The following C3orf70 variants were observed in gnomAD, a reference collection of about 807,000 sequenced individuals.
C3orf70 encodes the protein UPF0524 protein C3orf70.
Under a neutral mutation model 20.7 loss-of-function variants are expected in C3orf70, and 15 were observed. The observed-to-expected ratio is 0.72, with a 90% CI of 0.48 to 1.11. The LOEUF is 1.11. Ranked by LOEUF, C3orf70 falls within the 50% of genes most tolerant of loss-of-function variation. C3orf70 has a pLI of 0.00. For synonymous variants in C3orf70, 161 were observed against 125.7 expected (o/e 1.28, Z -1.88); for missense variants, 332 against 317.6 (o/e 1.05, Z -0.34).
In C3orf70 at chr3:185,152,875, C is replaced by A. The variant is rs1055904814; in HGVS notation, c.-52G>T. The A allele has an allele frequency of 1.4e-6, 2 of 1,432,978 alleles. No individual in the cohort carries two copies. Among genetic ancestry groups the A allele is most frequent in the Non-Finnish European group, 1.8e-6 (2 of 1,086,684 alleles). The allele number at this position is 1,432,978 out of a possible 1,614,324, so 88.8% of individuals were successfully genotyped here. On this transcript the variant is annotated 5_prime_UTR_variant, in exon 1 of 2. Coordinates refer to ENST00000335012, the MANE Select transcript of C3orf70 (RefSeq NM_001025266.3). ...ACCGGGAGCCCGGGAGAAGCGACGT[C>A]TGGGTGGGCAGGAAGCCGAGCCGGC...
rs1553918680 is a variant in C3orf70 at position 185,077,796 on chromosome 3, G to GT, written c.*5210_*5211insA. Among the ~76,000 whole-genome samples, 3 of 150,676 alleles carry GT rather than the reference G, an allele frequency of 2.0e-5. No homozygotes were observed. The highest frequency in any genetic ancestry group is 4.9e-5 in the African/African-American group (2 of 40,934). On this transcript the variant is annotated 3_prime_UTR_variant, in exon 2 of 2. Coordinates refer to ENST00000335012, the MANE Select transcript of C3orf70 (RefSeq NM_001025266.3). ...AATGCTATTTGGTGGTGGTGGGGGGGGGGTATCAAGTTTTATTTGCTATAA... is the reference window on the plus strand; with the variant it reads ...AATGCTATTTGGTGGTGGTGGGGGGGTGGGTATCAAGTTTTATTTGCTATAA...
intron 1 of C3orf70, among the ~76,000 whole-genome samples, chr3:185,086,262 TTCTC>T (rs1715457429): frequency 6.6e-6 from 1 of 152,180 alleles, no homozygotes; most frequent in Non-Finnish European, 1.5e-5. Flanking sequence ...GTTCTACTCT[TTCTC>T]TGGTCCCCAC....
chr3:185,094,468 C>T (rs1422422768), intron 1 of C3orf70, among the ~76,000 whole-genome samples: 2 of 152,114 alleles, frequency 1.3e-5, no homozygotes, highest in African/African-American at 4.8e-5. Flanking sequence ...GATGCAGAGC[C>T]GGTGGATATG....
At chr3:185,090,983 G>T (rs893487250) in intron 1 of C3orf70, among the ~76,000 whole-genome samples, 7 of 152,076 alleles carry the variant, frequency 4.6e-5, no homozygotes, top group African/African-American at 9.7e-5. Flanking sequence ...TAGTGAGACA[G>T]ACCACCAGAC....
chr3:185,120,272 T>C (rs1413768487), intron 1 of C3orf70, among the ~76,000 whole-genome samples: 1 of 152,164 alleles, frequency 6.6e-6, no homozygotes. Context: ...ATGTACTATC[T>C]GCCAGACACT....
chr3:185,125,466 T>C (rs954760246), intron 1 of C3orf70, among the ~76,000 whole-genome samples: 1 of 152,120 alleles, frequency 6.6e-6, no homozygotes, highest in African/African-American at 2.4e-5. Flanking sequence ...AAATTAAACA[T>C]AAACTTTTGT....
intron 1 of C3orf70, 150 bp from the exon 2 acceptor site, chr3:185,083,713 T>C: frequency 1.6e-6 from 1 of 609,126 alleles, no homozygotes; most frequent in Non-Finnish European, 2.7e-6. Context: ...ATTGGTATAG[T>C]CAATGAAAAA....
chr3:185,140,533 C>T (rs1273297885), intron 1 of C3orf70, among the ~76,000 whole-genome samples: 1 of 152,062 alleles, frequency 6.6e-6, no homozygotes, highest in Non-Finnish European at 1.5e-5. Context: ...GCATGTTTGT[C>T]CCCCAAAATT....
intron 1 of C3orf70, among the ~76,000 whole-genome samples, chr3:185,099,499 C>A (rs1030537105): frequency 4.6e-5 from 7 of 152,160 alleles, no homozygotes; most frequent in Admixed American, 2.0e-4. Flanking sequence ...GAAATAAGAT[C>A]CTTTTCAGAC....
intron 1 of C3orf70, among the ~76,000 whole-genome samples, chr3:185,105,760 G>C (rs1000055843): frequency 6.6e-6 from 1 of 152,190 alleles, no homozygotes; most frequent in African/African-American, 2.4e-5. Context: ...AGGGTCGCTG[G>C]AGCGATGGTT....
intron 1 of C3orf70, among the ~76,000 whole-genome samples, chr3:185,096,549 T>C (rs967751294): frequency 1.3e-5 from 2 of 152,174 alleles, no homozygotes; most frequent in Non-Finnish European, 2.9e-5. Flanking sequence ...TCTGCCGTAA[T>C]GGACAGAATT....
At chr3:185,127,528 T>C (rs1374086470) in intron 1 of C3orf70, among the ~76,000 whole-genome samples, 1 of 152,082 alleles carries the variant, frequency 6.6e-6, no homozygotes, top group African/African-American at 2.4e-5. Context: ...CAACCTCTGC[T>C]TCTGGGGTTC....
intron 1 of C3orf70, among the ~76,000 whole-genome samples, chr3:185,087,577 C>G (rs568427760): frequency 1.3e-5 from 2 of 152,312 alleles, no homozygotes; most frequent in East Asian, 3.9e-4. Context: ...GACAAATACT[C>G]TGATTCCACT....
At chr3:185,139,912 CAA>C (rs1295105471) in intron 1 of C3orf70, among the ~76,000 whole-genome samples, 2 of 151,996 alleles carry the variant, frequency 1.3e-5, no homozygotes, top group South Asian at 4.2e-4. Flanking sequence ...TCAAGCTTGG[CAA>C]AGAGTTCTTA....
At chr3:185,128,158 C>T (rs1716451395) in intron 1 of C3orf70, among the ~76,000 whole-genome samples, 1 of 152,158 alleles carries the variant, frequency 6.6e-6, no homozygotes, top group Non-Finnish European at 1.5e-5. Context: ...ACTGCTACAG[C>T]ATAGATTCTT....
intron 1 of C3orf70, among the ~76,000 whole-genome samples, chr3:185,110,062 T>C (rs1171858105): frequency 1.3e-5 from 2 of 152,186 alleles, no homozygotes; most frequent in Non-Finnish European, 2.9e-5. Context: ...TGATAAAAAG[T>C]ATGACAAGAG....
At chr3:185,125,368 G>A (rs1183843462) in intron 1 of C3orf70, among the ~76,000 whole-genome samples, 2 of 145,024 alleles carry the variant, frequency 1.4e-5, no homozygotes, top group African/African-American at 5.1e-5. Flanking sequence ...CAACAAGAGT[G>A]AAACTCCATC....
At chr3:185,140,207 G>A (rs944549403) in intron 1 of C3orf70, among the ~76,000 whole-genome samples, 2 of 152,162 alleles carry the variant, frequency 1.3e-5, no homozygotes, top group Non-Finnish European at 2.9e-5. Flanking sequence ...TCAAACCCAT[G>A]TTGTTCAAGG....
chr3:185,087,328 C>A (rs1470184781), intron 1 of C3orf70, among the ~76,000 whole-genome samples: 1 of 152,086 alleles, frequency 6.6e-6, no homozygotes, highest in Non-Finnish European at 1.5e-5. Flanking sequence ...TGGGTACACA[C>A]CCAAAAGAAT....
Sources: allele counts gnomAD v4.1 joint callset (sites outside exome capture counted in the v4.1 genomes callset), GRCh38; gene constraint gnomAD v4.1.1; transcripts MANE v1.5; gene names NCBI Gene and HGNC (gene_info 2026-07-23, HGNC 2026-07-21).